The following PTGER4 variants were observed in gnomAD, a reference collection of about 807,000 sequenced individuals.
PTGER4 encodes the protein prostaglandin E2 receptor EP4 subtype.
A neutral mutation model predicts 33.2 loss-of-function variants in PTGER4; 11 were observed. The observed-to-expected ratio is 0.33, with a 90% CI of 0.21 to 0.55. PTGER4 has a LOEUF of 0.55. Among genes scored for constraint, PTGER4 ranks in the 20% least tolerant of loss-of-function variants. PTGER4 has a pLI of 0.92. For missense variants in PTGER4, 481 were observed against 650.2 expected (o/e 0.74, Z 2.83); for synonymous variants, 275 against 281.5 (o/e 0.98, Z 0.23).
At chr5:40,740,161 AT>A in the PTGER4 span, among the ~76,000 whole-genome samples, 1 of 151,916 alleles carries the variant, frequency 6.6e-6, no homozygotes, top group Non-Finnish European at 1.5e-5. Context: ...TTGTTATTTA[AT>A]GTCAATTATC....
the PTGER4 span, among the ~76,000 whole-genome samples, chr5:40,740,300 A>G: frequency 1.3e-5 from 2 of 151,576 alleles, no homozygotes; most frequent in African/African-American, 2.4e-5. Flanking sequence ...TTCTATGTAA[A>G]GAATTTCTTT....
the PTGER4 span, among the ~76,000 whole-genome samples, chr5:40,721,049 C>CAT: frequency 4.6e-5 from 7 of 152,170 alleles, no homozygotes; most frequent in Admixed American, 4.6e-4. Context: ...GCTTGGCATA[C>CAT]AGTGAGCGAA....
Position 40,691,947 on chromosome 5 carries a change from T to A in PTGER4, c.1036T>A (p.Cys346Ser), listed in dbSNP as rs773767053. 6.2e-7 allele frequency: 1 copy of A among 1,614,270 alleles called. No homozygotes were observed. The highest frequency in any genetic ancestry group is 1.7e-5 in the Admixed American group (1 of 60,028). Reference protein sequence around the residue: ...VLSKAIEKIKCLFCRIGGSRR... With the variant: ...VLSKAIEKIKSLFCRIGGSRR... ...CAGTAAAGCAATAGAGAAGATCAAA[T>A]GCCTCTTCTGCCGCATTGGCGGGTC... The change falls in exon 3 of 3, where the codon TGC (cysteine) becomes AGC (serine). Residue 346 changes from cysteine to serine, a missense_variant. Cys to Ser is a moderately radical substitution (Grantham distance 112). Around this residue, in one of 7 missense-constraint regions of PTGER4, gnomAD observed 172 missense variants for 199.2 expected, o/e 0.86. Coordinates refer to ENST00000302472, the MANE Select transcript of PTGER4 (RefSeq NM_000958.3). The surrounding 1 kb of genome is among the most constrained non-coding windows in gnomAD (Gnocchi z 4.2).
rs1385364635 is a variant in PTGER4 at position 40,693,457 on chromosome 5, G to T, written c.*1079G>T. The T allele has an allele frequency of 2.0e-6, 2 of 985,836 alleles. No individual in the cohort carries two copies. Among genetic ancestry groups the T allele is most frequent in the Non-Finnish European group, 2.4e-6 (2 of 829,946 alleles). 61.1% of individuals were successfully genotyped at this position (985,836 alleles called of 1,614,324 possible). On this transcript the variant is annotated 3_prime_UTR_variant, in exon 3 of 3. Transcript: ENST00000302472. ...AAAGCTTTATTTTGAGATGTAAAAAGATTCCCAAACGTGGTTACATTAGCC... is the reference window on the plus strand; with the variant it reads ...AAAGCTTTATTTTGAGATGTAAAAATATTCCCAAACGTGGTTACATTAGCC...
chr5:40,717,729 T>C, the PTGER4 span, among the ~76,000 whole-genome samples: 2 of 152,208 alleles, frequency 1.3e-5, no homozygotes, highest in African/African-American at 4.8e-5. Context: ...ATACTTAGTC[T>C]CTGGATAGAA....
intron 2 of PTGER4, among the ~76,000 whole-genome samples, chr5:40,685,858 C>T (rs919781960): frequency 6.6e-6 from 1 of 152,112 alleles, no homozygotes; most frequent in African/African-American, 2.4e-5. Context: ...TTGAATATCT[C>T]CTAACAAGAT....
rs748872495 is a variant in PTGER4 at position 40,692,179 on chromosome 5, T to A, written c.1268T>A (p.Leu423Gln). The change falls in exon 3 of 3, where the codon CTG becomes CAG. Residue 423 changes from leucine to glutamine, a missense_variant. By Grantham distance (113) the Leu-to-Gln change is moderately radical (BLOSUM62 -2). Around this residue, in one of 7 missense-constraint regions of PTGER4, gnomAD observed 172 missense variants for 199.2 expected, o/e 0.86. Transcript: ENST00000302472. ...CTTCCAGGTGTGCCTGGCATGGGCC[T>A]GGCCCAGGAAGACACCACCTCACTG... ...NLLPGVPGMG[L>Q]AQEDTTSLRT... 1 of 1,614,232 alleles carries A rather than the reference T, an allele frequency of 6.2e-7. No homozygotes were observed. The highest frequency in any genetic ancestry group is 8.5e-7 in the Non-Finnish European group (1 of 1,180,030).
the PTGER4 span, chr5:40,715,971 G>A: frequency 8.0e-6 from 4 of 498,994 alleles, no homozygotes; most frequent in Non-Finnish European, 1.4e-5. Context: ...ACTTATCAAA[G>A]CATATTCCAA....
At chr5:40,717,130 G>A in the PTGER4 span, among the ~76,000 whole-genome samples, 1 of 150,996 alleles carries the variant, frequency 6.6e-6, no homozygotes, top group East Asian at 2.0e-4. Flanking sequence ...CCAGGAGGGT[G>A]AGGCAGGAGA....
the PTGER4 span, among the ~76,000 whole-genome samples, chr5:40,737,213 C>T: frequency 6.6e-6 from 1 of 151,992 alleles, no homozygotes; most frequent in Admixed American, 6.6e-5. Flanking sequence ...ACAAGAATCA[C>T]TTGAACCTGG....
At chr5:40,707,084 T>C in the PTGER4 span, among the ~76,000 whole-genome samples, 2 of 152,084 alleles carry the variant, frequency 1.3e-5, 1 homozygote, top group African/African-American at 4.8e-5. Flanking sequence ...CATGCCAAAT[T>C]GTAAAGACCA....
At chr5:40,731,197 G>T in the PTGER4 span, among the ~76,000 whole-genome samples, 1 of 152,108 alleles carries the variant, frequency 6.6e-6, no homozygotes, top group Non-Finnish European at 1.5e-5. Context: ...AATTCTGCAA[G>T]ACTTAATAGT....
chr5:40,730,230 A>G, the PTGER4 span: 3 of 1,547,016 alleles, frequency 1.9e-6, no homozygotes, highest in Non-Finnish European at 2.7e-6. Flanking sequence ...GCACAATTTC[A>G]TAAGGAAAGT....
In PTGER4 at chr5:40,680,907, A is replaced by C. The variant is rs571290199; in HGVS notation, c.-43-44A>C. ...GCGGGTCTAACACCTTACAAGTGGT[A>C]ATTTCCGCTCACGGCAGCTTTGTCT... On this transcript the variant is annotated intron_variant, in intron 1 of 2. Transcript: ENST00000302472. The surrounding 1 kb of genome is among the most constrained non-coding windows in gnomAD (Gnocchi z 5.5). The C allele has an allele frequency of 1.3e-6, 2 of 1,497,410 alleles. No individual in the cohort carries two copies. The highest frequency in any genetic ancestry group is 4.5e-5 in the East Asian group (2 of 44,048). 92.8% of individuals were successfully genotyped at this position (1,497,410 alleles called of 1,614,324 possible). A position where few individuals can be genotyped will look rare whatever the true frequency, so the allele number is the denominator to read the frequency against.
the PTGER4 span, among the ~76,000 whole-genome samples, chr5:40,745,993 C>G: frequency 6.6e-6 from 1 of 152,100 alleles, no homozygotes; most frequent in African/African-American, 2.4e-5. Context: ...ATATTTTCTT[C>G]TATTAATTGC....
chr5:40,727,818 A>G, the PTGER4 span, among the ~76,000 whole-genome samples: 8 of 152,298 alleles, frequency 5.3e-5, no homozygotes, highest in South Asian at 1.7e-3. Context: ...ATGTCAAGTA[A>G]CTGAAAAATA....
At chr5:40,704,182 CAT>C in the PTGER4 span, among the ~76,000 whole-genome samples, 635 of 152,234 alleles carry the variant, frequency 4.2e-3, 3 homozygotes, top group African/African-American at 0.015. Context: ...GTTGGTTCAA[CAT>C]ATGAAAATCA....
At chr5:40,701,599 G>A in the PTGER4 span, among the ~76,000 whole-genome samples, 840 of 152,242 alleles carry the variant, frequency 5.5e-3, 7 homozygotes, top group African/African-American at 0.02. Flanking sequence ...AAACAAATTA[G>A]AAAATATATT....
the PTGER4 span, among the ~76,000 whole-genome samples, chr5:40,722,073 T>C: frequency 6.6e-6 from 1 of 152,078 alleles, no homozygotes; most frequent in Non-Finnish European, 1.5e-5. Flanking sequence ...CACCATGAAA[T>C]ATCACCTCAT....
Sources: gnomAD v4.1 joint callset for allele counts (sites outside exome capture counted in the v4.1 genomes callset) on GRCh38, gnomAD v4.1.1 for gene constraint, gnomAD v4.1.1 regional missense constraint, Gnocchi (gnomAD v3.1) non-coding constraint, MANE v1.5 for transcripts, NCBI Gene and HGNC (gene_info 2026-07-23, HGNC 2026-07-21) for gene names.